TRIT1: variants seen among roughly 807,000 people sequenced by gnomAD.
TRIT1 encodes the protein tRNA isopentenyltransferase 1, also known as tRNA dimethylallyltransferase.
In TRIT1, 43 loss-of-function variants were observed where a neutral mutation model predicts 51.2. That is an observed-to-expected ratio of 0.84 (90% confidence interval 0.66 to 1.08). TRIT1 has a LOEUF of 1.08. Ranked by LOEUF, TRIT1 falls within the 50% of genes least tolerant of loss-of-function variation. TRIT1 has a pLI of 0.00. For missense variants in TRIT1, 528 were observed against 578.4 expected (o/e 0.91, Z 0.89); for synonymous variants, 184 against 203.9 (o/e 0.90, Z 0.83).
Position 39,852,790 on chromosome 1 carries a change from GC to G in TRIT1, c.500del (p.Ser167ThrfsTer53). The G allele has an allele frequency of 6.2e-7, 1 of 1,614,168 alleles. No individual in the cohort carries two copies. The highest frequency in any genetic ancestry group is 8.5e-7 in the Non-Finnish European group (1 of 1,180,018). ...EDGLVLHKRL[S>X]QVDPEMAAKL... ...TGGCAGCCATTTCTGGGTCCACCTG[GC>G]TTAGGCGTTTGTGAAGTACAAGACC... On this transcript the variant is annotated frameshift_variant, in exon 4 of 11. Coordinates refer to ENST00000316891, the MANE Select transcript of TRIT1 (RefSeq NM_017646.6). LOFTEE classifies it high-confidence loss of function.
chr1:39,864,336 G>A (rs992550583), intron 1 of TRIT1, among the ~76,000 whole-genome samples: 3 of 151,960 alleles, frequency 2.0e-5, no homozygotes, highest in African/African-American at 7.2e-5. Context: ...CAGGCCAGGC[G>A]CGGTGGCTCA....
intron 1 of TRIT1, among the ~76,000 whole-genome samples, chr1:39,873,543 A>G (rs953877054): frequency 1.3e-5 from 2 of 152,232 alleles, no homozygotes; most frequent in Admixed American, 1.3e-4. Context: ...CCTGAAATGG[A>G]AAAGGGACAT....
At chr1:39,868,933 A>T (rs1164931449) in intron 1 of TRIT1, among the ~76,000 whole-genome samples, 1 of 152,002 alleles carries the variant, frequency 6.6e-6, no homozygotes, top group Non-Finnish European at 1.5e-5. Context: ...GGTGGCAGGC[A>T]TGTGTAATCC....
intron 6 of TRIT1, 65 bp downstream of exon 6, chr1:39,847,921 C>T (rs1000324503): frequency 6.1e-6 from 9 of 1,469,586 alleles, no homozygotes; most frequent in South Asian, 3.5e-5. Context: ...CCAGTATTAG[C>T]GTTATGGTCT....
chr1:39,855,114 A>G (rs749821926), intron 2 of TRIT1, among the ~76,000 whole-genome samples: 1 of 152,222 alleles, frequency 6.6e-6, no homozygotes, highest in Non-Finnish European at 1.5e-5. Context: ...AGCATCCCAA[A>G]GTGCTGAGGT....
chr1:39,847,626 C>T lies in TRIT1; in HGVS notation c.850G>A (p.Gly284Ser), dbSNP rs1216089537. 1 of 1,613,992 alleles carries T rather than the reference C, an allele frequency of 6.2e-7. No individual in the cohort carries two copies. Among genetic ancestry groups the T allele is most frequent in the Non-Finnish European group, 8.5e-7 (1 of 1,180,034 alleles). ...AGGTACTCGTGAAATTCCTTGAAGC[C>T]AATTGATTGGAAGATACCATGTTGA... ...DYQHGIFQSI[G>S]FKEFHEYLIT... The change falls in exon 7 of 11, where the codon GGC becomes AGC. Residue 284 changes from glycine to serine, a missense_variant. Coordinates refer to ENST00000316891, the MANE Select transcript of TRIT1 (RefSeq NM_017646.6).
At chr1:39,842,004 A>G in intron 10 of TRIT1, 91 bp from the exon 11 acceptor site, 1 of 1,371,994 alleles carries the variant, frequency 7.3e-7, no homozygotes, top group Non-Finnish European at 9.9e-7. Context: ...TAACTATACA[A>G]TGCTTTTCTT....
At chr1:39,869,856 G>A (rs1232823909) in intron 1 of TRIT1, among the ~76,000 whole-genome samples, 1 of 152,076 alleles carries the variant, frequency 6.6e-6, no homozygotes, top group African/African-American at 2.4e-5. Flanking sequence ...GAAGTGAGGA[G>A]CGTCTCTGCC....
chr1:39,875,086 T>A (rs566142056), intron 1 of TRIT1, among the ~76,000 whole-genome samples: 2 of 152,304 alleles, frequency 1.3e-5, no homozygotes, highest in East Asian at 3.9e-4. Flanking sequence ...AATGGTTACC[T>A]ATTCTCTCCA....
intron 1 of TRIT1, among the ~76,000 whole-genome samples, chr1:39,872,073 T>A (rs1453414876): frequency 1.0e-5 from 1 of 97,138 alleles, no homozygotes; most frequent in Non-Finnish European, 2.9e-5. Flanking sequence ...GACTAATTTT[T>A]TTTTTTTTTT....
intron 1 of TRIT1, among the ~76,000 whole-genome samples, chr1:39,880,440 A>T (rs966710063): frequency 1.3e-5 from 2 of 152,160 alleles, no homozygotes; most frequent in African/African-American, 4.8e-5. Flanking sequence ...TTTTGTTTAC[A>T]TGTTTACCAA....
At chr1:39,871,280 C>G (rs764581828) in intron 1 of TRIT1, among the ~76,000 whole-genome samples, 1 of 152,134 alleles carries the variant, frequency 6.6e-6, no homozygotes, top group Non-Finnish European at 1.5e-5. Flanking sequence ...ACGCATGCAA[C>G]AACATGGAAG....
chr1:39,871,665 T>G (rs1643886992), intron 1 of TRIT1, among the ~76,000 whole-genome samples: 1 of 152,188 alleles, frequency 6.6e-6, no homozygotes, highest in African/African-American at 2.4e-5. Context: ...ATTGTATGAT[T>G]ACATTTTAAG....
intron 4 of TRIT1, 96 bp from the exon 5 acceptor site, chr1:39,850,357 C>T: frequency 6.9e-7 from 1 of 1,456,354 alleles, no homozygotes; most frequent in South Asian, 1.3e-5. Context: ...CTGTTTATTA[C>T]AGAAAGCCTC....
intron 1 of TRIT1, among the ~76,000 whole-genome samples, chr1:39,867,525 G>GA (rs752886615): frequency 1.2e-4 from 18 of 149,838 alleles, no homozygotes; most frequent in African/African-American, 3.4e-4. Context: ...CTAGGTAGCA[G>GA]AAAAAAAAAA....
chr1:39,860,859 C>T (rs1303145947), intron 1 of TRIT1, among the ~76,000 whole-genome samples: 1 of 152,194 alleles, frequency 6.6e-6, no homozygotes, highest in African/African-American at 2.4e-5. Flanking sequence ...GCAGGCAGAT[C>T]ATGAGATCAG....
chr1:39,850,385 A>G, intron 4 of TRIT1, 124 bp from the exon 5 acceptor site: 1 of 1,266,118 alleles, frequency 7.9e-7, no homozygotes, highest in Non-Finnish European at 1.1e-6. Flanking sequence ...AAAGCCAGTC[A>G]CGACAGTGTG....
chr1:39,876,730 C>T (rs1644070166), intron 1 of TRIT1, among the ~76,000 whole-genome samples: 1 of 151,828 alleles, frequency 6.6e-6, no homozygotes, highest in African/African-American at 2.4e-5. Flanking sequence ...AGATTGAGAC[C>T]ATCCTGGCTA....
Position 39,841,871 on chromosome 1 carries a change from C to A in TRIT1, c.1277G>T (p.Arg426Ile). The A allele has an allele frequency of 6.2e-7, 1 of 1,613,964 alleles. No homozygotes were observed. Among genetic ancestry groups the A allele is most frequent in the Non-Finnish European group, 8.5e-7 (1 of 1,179,944 alleles). ...GACAGCATCTGAGTCCAATCTTCTT[C>A]TTTTCTTCAGTTGGTTCAAGTGGGA... ...SKSHLNQLKK[R>I]RRLDSDAVNT... The change falls in exon 11 of 11, where the codon AGA (arginine) becomes ATA (isoleucine). Residue 426 changes from arginine to isoleucine, a missense_variant. Coordinates refer to ENST00000316891, the MANE Select transcript of TRIT1 (RefSeq NM_017646.6).
Sources: gnomAD v4.1 joint callset for allele counts (sites outside exome capture counted in the v4.1 genomes callset) on GRCh38, gnomAD v4.1.1 for gene constraint, MANE v1.5 for transcripts, NCBI Gene and HGNC (gene_info 2026-07-23, HGNC 2026-07-21) for gene names.